Variants in ADARB2 observed in about 807,000 individuals in gnomAD.
ADARB2 encodes the protein inactive double-stranded RNA-specific editase B2.
A neutral mutation model predicts 62.2 loss-of-function variants in ADARB2; 25 were observed. That is an observed-to-expected ratio of 0.40 (90% confidence interval 0.29 to 0.56). The LOEUF is 0.56. ADARB2 is among the 20% of genes least tolerant of loss of function. ADARB2 has a pLI of 0.43. For synonymous variants in ADARB2, 572 were observed against 500.8 expected, an observed-to-expected ratio of 1.14 and a Z score of -1.90; for missense variants, 1,071 against 1,077.4, an observed-to-expected ratio of 0.99 and a Z score of 0.08.
In ADARB2 at chr10:1,351,147, C is replaced by T. The variant is rs760287250; in HGVS notation, c.1077+11881G>A. Among the ~76,000 whole-genome samples, 10 of 152,332 alleles carry T rather than the reference C, an allele frequency of 6.6e-5. 1 individual carries two copies. Among genetic ancestry groups the T allele is most frequent in the Non-Finnish European group, 5.9e-5 (4 of 68,030 alleles). ...TGTTCAACTCACCTGGCTGCCACTC[C>T]CAGAGCCCCTGGAACTCTGGCCCAA... On this transcript the variant is annotated intron_variant, in intron 3 of 9. Transcript: ENST00000381312.
At chr10:1,639,806 C>T (rs4880892) in intron 1 of ADARB2, among the ~76,000 whole-genome samples, 68,973 of 151,966 alleles carry the variant, frequency 0.45, 16,582 homozygotes, top group Middle Eastern at 0.57. Context: ...CATGCCACTG[C>T]ACTCCAGCCT....
intron 1 of ADARB2, among the ~76,000 whole-genome samples, chr10:1,521,668 C>T (rs1478191794): frequency 6.6e-6 from 1 of 152,222 alleles, no homozygotes; most frequent in Non-Finnish European, 1.5e-5. Flanking sequence ...ACTCTTATTG[C>T]AACCCAGATG....
intron 1 of ADARB2, among the ~76,000 whole-genome samples, chr10:1,675,840 G>A (rs1367290448): frequency 6.6e-6 from 1 of 152,132 alleles, no homozygotes; most frequent in Non-Finnish European, 1.5e-5. Context: ...GGGAAGCCGT[G>A]TCTCTGATCC....
chr10:1,484,765 G>T (rs1014830351), intron 1 of ADARB2, among the ~76,000 whole-genome samples: 6 of 152,180 alleles, frequency 3.9e-5, no homozygotes, highest in Admixed American at 3.9e-4. Flanking sequence ...TACATATACA[G>T]GGAGGGATGG....
In ADARB2 at chr10:1,639,582, C is replaced by T. The variant is rs751814838; in HGVS notation, c.100+97469G>A. 8.5e-5 allele frequency among the ~76,000 whole-genome samples: 13 copies of T among 152,316 alleles called. 1 individual carries two copies. Among genetic ancestry groups the T allele is most frequent in the Middle Eastern group, 3.4e-3 (1 of 294 alleles). On this transcript the variant is annotated intron_variant, in intron 1 of 9. Coordinates refer to ENST00000381312, the MANE Select transcript of ADARB2 (RefSeq NM_018702.4). The stretch of plus-strand genomic sequence containing the variant: ...AAAGAGGGCCGGGCGCAGTGGCTCA[C>T]GCCTGTCATCCCAGCACTTTGGGAG...
At chr10:1,643,560 G>A (rs1329570395) in intron 1 of ADARB2, among the ~76,000 whole-genome samples, 1 of 152,172 alleles carries the variant, frequency 6.6e-6, no homozygotes, top group African/African-American at 2.4e-5. Flanking sequence ...CCAGTATGGG[G>A]AAGTGAGTGA....
At chr10:1,558,289 C>T (rs1372966728) in intron 1 of ADARB2, among the ~76,000 whole-genome samples, 2 of 147,564 alleles carry the variant, frequency 1.4e-5, no homozygotes, top group South Asian at 2.2e-4. Flanking sequence ...CCTCTGTCCC[C>T]CCTCCGTGGG....
At chr10:1,630,187 T>C (rs1833824896) in intron 1 of ADARB2, among the ~76,000 whole-genome samples, 1 of 152,230 alleles carries the variant, frequency 6.6e-6, no homozygotes, top group African/African-American at 2.4e-5. Context: ...CAAACATTCA[T>C]GAAGGGTCCA....
intron 1 of ADARB2, among the ~76,000 whole-genome samples, chr10:1,432,138 C>CT (rs1358854983): frequency 6.6e-6 from 1 of 152,132 alleles, no homozygotes; most frequent in Non-Finnish European, 1.5e-5. Flanking sequence ...GACTATGTTA[C>CT]TTATTTTATG....
intron 4 of ADARB2, among the ~76,000 whole-genome samples, chr10:1,267,433 A>G (rs537082669): frequency 3.9e-5 from 6 of 152,320 alleles, no homozygotes; most frequent in South Asian, 2.1e-4. Flanking sequence ...GGAGGAAGAC[A>G]ATGATTCCGG....
At chr10:1,572,225 G>A (rs1832951842) in intron 1 of ADARB2, among the ~76,000 whole-genome samples, 1 of 151,446 alleles carries the variant, frequency 6.6e-6, no homozygotes, top group African/African-American at 2.4e-5. Context: ...GTGTACAAGT[G>A]AGTAGGCAGG....
At chr10:1,578,633 G>C (rs1166878090) in intron 1 of ADARB2, among the ~76,000 whole-genome samples, 1 of 150,108 alleles carries the variant, frequency 6.7e-6, no homozygotes, top group Admixed American at 6.7e-5. Context: ...TGTTCTCCAT[G>C]AGCTCACACT....
At chr10:1,355,015 C>A (rs943635338) in intron 3 of ADARB2, among the ~76,000 whole-genome samples, 2 of 152,194 alleles carry the variant, frequency 1.3e-5, no homozygotes, top group Admixed American at 6.5e-5. Flanking sequence ...CCAGCTTGCA[C>A]CTCCCTGAGG....
At chr10:1,297,323 T>C (rs1337612944) in intron 3 of ADARB2, among the ~76,000 whole-genome samples, 1 of 152,212 alleles carries the variant, frequency 6.6e-6, no homozygotes, top group Non-Finnish European at 1.5e-5. Flanking sequence ...GTTTCTTCAC[T>C]GCAACTGAGC....
chr10:1,658,024 CTG>C lies in ADARB2; in HGVS notation c.100+79025_100+79026del, dbSNP rs1239734363. Reference sequence around the variant, plus strand: ...GTGTCTCTCTGTCTCTTATCTGATCCTGTGTGTGTCTGTGTATCTCTTCTGTC... The same window carrying C: ...GTGTCTCTCTGTCTCTTATCTGATCCTGTGTGTCTGTGTATCTCTTCTGTC... On this transcript the variant is annotated intron_variant, in intron 1 of 9. Transcript: ENST00000381312. Among the ~76,000 whole-genome samples, 13 of 137,106 alleles carry C rather than the reference CTG, an allele frequency of 9.5e-5. 1 individual carries two copies. The South Asian group carries it at 2.7e-3, about 28-fold the overall frequency. The allele number at this position is 137,106 out of a possible 152,430, so 89.9% of individuals were successfully genotyped here. A position where few individuals can be genotyped will look rare whatever the true frequency, so the allele number is the denominator to read the frequency against.
intron 1 of ADARB2, among the ~76,000 whole-genome samples, chr10:1,443,753 C>T (rs963044116): frequency 1.3e-5 from 2 of 151,922 alleles, no homozygotes; most frequent in Non-Finnish European, 2.9e-5. Context: ...TGAGAGTTAT[C>T]TAAGAATATT....
intron 1 of ADARB2, among the ~76,000 whole-genome samples, chr10:1,447,446 G>A (rs939871364): frequency 6.6e-6 from 1 of 152,200 alleles, no homozygotes; most frequent in African/African-American, 2.4e-5. Context: ...TGGCTGTAAA[G>A]GATGTCACTG....
intron 1 of ADARB2, among the ~76,000 whole-genome samples, chr10:1,521,446 A>G (rs1005394735): frequency 2.0e-5 from 3 of 152,188 alleles, no homozygotes; most frequent in South Asian, 4.1e-4. Flanking sequence ...TTCTGAATGC[A>G]CTTCCTCCCC....
At chr10:1,541,622 C>CAGCT (rs1832430346) in intron 1 of ADARB2, among the ~76,000 whole-genome samples, 1 of 33,210 alleles carries the variant, frequency 3.0e-5, no homozygotes, top group African/African-American at 1.8e-4. Context: ...ACCCTGGATC[C>CAGCT]GTCCAGACCC....
Sources: gnomAD v4.1 joint callset for allele counts (sites outside exome capture counted in the v4.1 genomes callset) on GRCh38, gnomAD v4.1.1 for gene constraint, MANE v1.5 for transcripts, NCBI Gene and HGNC (gene_info 2026-07-23, HGNC 2026-07-21) for gene names.